Variants in LRRC27 observed in about 807,000 individuals in gnomAD.
LRRC27 encodes the protein leucine rich repeat containing 27.
LRRC27 carries 57 observed loss-of-function variants against 55.0 expected under a neutral mutation model. That is an observed-to-expected ratio of 1.04 (90% CI 0.84 to 1.29). LRRC27 has a LOEUF of 1.29. Among genes scored for constraint, LRRC27 ranks in the 50% most tolerant of loss-of-function variants. LRRC27 has a pLI of 0.00. For synonymous variants in LRRC27, 278 were observed against 251.9 expected, an observed-to-expected ratio of 1.10 and a Z score of -0.98; for missense variants, 721 against 651.5, an observed-to-expected ratio of 1.11 and a Z score of -1.16.
intron 3 of LRRC27, among the ~76,000 whole-genome samples, chr10:132,341,836 T>C (rs545724908): frequency 2.0e-5 from 3 of 152,332 alleles, no homozygotes; most frequent in African/African-American, 7.2e-5. Flanking sequence ...AAGCCTAAAA[T>C]AGAGGTTCTT....
At position 132,365,346 on chromosome 10, in the gene LRRC27, C is replaced by G. The variant is rs2069017833; in HGVS notation, c.1290-78C>G. On this transcript the variant is annotated intron_variant, in intron 9 of 10. Transcript: ENST00000368614. ...GTCTGGGAAGAAAGGCACATGCTTT[C>G]TCCCTGGTTATGGCGGGAGTTGCTA... The G allele has an allele frequency of 6.3e-6, 10 of 1,577,736 alleles. No individual in the cohort carries two copies. In the Admixed American group the frequency reaches 1.7e-4, roughly 26 times the overall value.
At chr10:132,331,344 G>A (rs2066721685), upstream of LRRC27, 1 of 1,314,376 alleles carries the variant, frequency 7.6e-7, no homozygotes, top group Non-Finnish European at 1.0e-6. Flanking sequence ...CGGGACTCCA[G>A]GGTTCCACAG....
intron 9 of LRRC27, 71 bp downstream of exon 9, chr10:132,361,646 T>C: frequency 8.8e-7 from 1 of 1,140,066 alleles, no homozygotes; most frequent in South Asian, 1.2e-5. Context: ...TGCTGTTGTT[T>C]ATTTCATGAG....
intron 9 of LRRC27, among the ~76,000 whole-genome samples, chr10:132,364,788 A>G (rs796421051): frequency 3.7e-4 from 44 of 117,584 alleles, no homozygotes; most frequent in African/African-American, 1.0e-3. Context: ...CTCCACGCCC[A>G]CACTCACACC....
chr10:132,346,156 G>A (rs896495894), intron 5 of LRRC27, among the ~76,000 whole-genome samples: 1 of 152,218 alleles, frequency 6.6e-6, no homozygotes, highest in Non-Finnish European at 1.5e-5. Flanking sequence ...GGCTCATGGG[G>A]GCAGCAGCCT....
chr10:132,359,931 A>G (rs2068530191), intron 8 of LRRC27, among the ~76,000 whole-genome samples: 2 of 152,174 alleles, frequency 1.3e-5, no homozygotes, highest in African/African-American at 2.4e-5. Flanking sequence ...TCGTGTTTAT[A>G]TTTGGTTCTT....
rs2066939056 is a variant in LRRC27, at chr10:132,333,528, G to A, written c.4G>A (p.Glu2Lys). M[E>K]GSSSYEVPSV... ...TGCTGTCCCTGGAAGAGAACGGATG[G>A]AGGGAAGCAGCTCCTACGAAGTTCC... is the stretch of plus-strand genomic sequence containing the variant. The change falls in exon 2 of 11, where the codon GAG becomes AAG. Residue 2 changes from glutamate to lysine, a missense_variant. By Grantham distance (56) the Glu-to-Lys change is moderately conservative. Coordinates refer to ENST00000368614, the MANE Select transcript of LRRC27 (RefSeq NM_030626.3). 1.3e-6 allele frequency: 2 copies of A among 1,598,440 alleles called. No individual in the cohort carries two copies. Among genetic ancestry groups the A allele is most frequent in the Non-Finnish European group, 1.7e-6 (2 of 1,171,608 alleles).
chr10:132,362,803 G>T (rs1445720211), intron 9 of LRRC27, among the ~76,000 whole-genome samples: 1 of 144,738 alleles, frequency 6.9e-6, no homozygotes, highest in Non-Finnish European at 1.5e-5. Flanking sequence ...AGCTGCTTGG[G>T]GGTCCGGGGT....
intron 2 of LRRC27, among the ~76,000 whole-genome samples, chr10:132,334,621 G>A (rs566787657): frequency 1.5e-4 from 23 of 152,322 alleles, no homozygotes; most frequent in African/African-American, 5.5e-4. Flanking sequence ...CTCTACATTT[G>A]CATTGTCTTT....
intron 10 of LRRC27, among the ~76,000 whole-genome samples, chr10:132,368,496 G>A (rs1351033505): frequency 6.6e-6 from 1 of 152,134 alleles, no homozygotes; most frequent in East Asian, 1.9e-4. Context: ...CCCCAAAATA[G>A]ACCCACACAA....
intron 6 of LRRC27, among the ~76,000 whole-genome samples, chr10:132,350,191 A>G (rs1224506427): frequency 1.3e-5 from 2 of 152,190 alleles, no homozygotes; most frequent in Non-Finnish European, 2.9e-5. Context: ...ATGTTATGTA[A>G]AAATCATAGG....
intron 7 of LRRC27, among the ~76,000 whole-genome samples, chr10:132,355,159 T>C (rs1233638341): frequency 1.3e-5 from 2 of 152,164 alleles, no homozygotes; most frequent in Non-Finnish European, 2.9e-5. Context: ...CACTGCAACC[T>C]CTGCCTCCTG....
Position 132,333,673 on chromosome 10 carries a change from T to C in LRRC27, c.149T>C (p.Leu50Ser). 1 of 1,613,820 alleles carries C rather than the reference T, an allele frequency of 6.2e-7. No individual in the cohort carries two copies. Among genetic ancestry groups the C allele is most frequent in the Admixed American group, 1.7e-5 (1 of 60,022 alleles). ...GGIIFSSSPI[L>S]DLSESGLCRL... ...ATCATCTTTTCCTCCTCACCGATTTTAGACTTGAGTGAAAGTGGTCTGTGC... is the reference window on the plus strand; with the variant it reads ...ATCATCTTTTCCTCCTCACCGATTTCAGACTTGAGTGAAAGTGGTCTGTGC... Residue 50 changes from leucine (L) to serine (S), a missense_variant, in exon 2 of 11, where the codon TTA becomes TCA. Coordinates refer to ENST00000368614, the MANE Select transcript of LRRC27 (RefSeq NM_030626.3).
Position 132,377,137 on chromosome 10 carries a change from C to T in LRRC27, c.*1895C>T, listed in dbSNP as rs2069347697. ...TCATAATGCATCTTCTTCCCTCCTTCTACTGTACTGGATTTAAAGCGCACC... is the reference window on the plus strand; with the variant it reads ...TCATAATGCATCTTCTTCCCTCCTTTTACTGTACTGGATTTAAAGCGCACC... On this transcript the variant is annotated 3_prime_UTR_variant, in exon 11 of 11. Transcript: ENST00000368614. 2 of 152,200 alleles carry T rather than the reference C, an allele frequency of 1.3e-5. No homozygotes were observed. Among genetic ancestry groups the T allele is most frequent in the Non-Finnish European group, 2.9e-5 (2 of 68,032 alleles). 9.4% of individuals were successfully genotyped at this position (152,200 alleles called of 1,614,324 possible).
chr10:132,376,935 T>G lies in LRRC27; in HGVS notation c.*1693T>G, dbSNP rs958872872. ...TAGTTATGTGAGTTTTTGCTATACG[T>G]GTTTTGGGGCTATTTTGTCAGATGC... On this transcript the variant is annotated 3_prime_UTR_variant, in exon 11 of 11. Coordinates refer to ENST00000368614, the MANE Select transcript of LRRC27 (RefSeq NM_030626.3). The G allele has an allele frequency of 1.3e-5, 2 of 152,254 alleles. No homozygotes were observed. Among genetic ancestry groups the G allele is most frequent in the African/African-American group, 2.4e-5 (1 of 41,464 alleles). The allele number at this position is 152,254 out of a possible 1,614,324, so 9.4% of individuals were successfully genotyped here. A position where few individuals can be genotyped will look rare whatever the true frequency, so the allele number is the denominator to read the frequency against.
intron 7 of LRRC27, among the ~76,000 whole-genome samples, chr10:132,355,047 T>C (rs1057301607): frequency 2.6e-5 from 4 of 152,208 alleles, no homozygotes; most frequent in Non-Finnish European, 5.9e-5. Context: ...GGCTGCAGAC[T>C]GCGGAGGCCC....
chr10:132,331,924 A>G (rs1266018514), upstream of LRRC27: 20 of 452,320 alleles, frequency 4.4e-5, no homozygotes, highest in Admixed American at 9.0e-5. Flanking sequence ...CAACCCCCCC[A>G]CCGCAAGCGC....
At chr10:132,360,405 C>T (rs1341956165) in intron 8 of LRRC27, among the ~76,000 whole-genome samples, 1 of 152,150 alleles carries the variant, frequency 6.6e-6, no homozygotes, top group African/African-American at 2.4e-5. Flanking sequence ...CAGGATTTAG[C>T]ATTTGTTCTT....
chr10:132,364,289 G>A (rs891090972), intron 9 of LRRC27, among the ~76,000 whole-genome samples: 27 of 129,914 alleles, frequency 2.1e-4, no homozygotes, highest in African/African-American at 7.4e-4. Flanking sequence ...TCACAGTGGC[G>A]CATGCACCCA....
Sources: gnomAD v4.1 joint callset for allele counts (sites outside exome capture counted in the v4.1 genomes callset) on GRCh38, gnomAD v4.1.1 for gene constraint, MANE v1.5 for transcripts, NCBI Gene and HGNC (gene_info 2026-07-23, HGNC 2026-07-21) for gene names.